Variants in MYOM1 observed in about 807,000 individuals in gnomAD.
MYOM1 encodes the protein myomesin 1.
Under a neutral mutation model 205.3 loss-of-function variants are expected in MYOM1, and 164 were observed. That is an observed-to-expected ratio of 0.80 (90% CI 0.70 to 0.91). The LOEUF is 0.91. Ranked by LOEUF, MYOM1 falls within the 40% of genes least tolerant of loss-of-function variation. MYOM1 has a pLI of 0.00. For synonymous variants in MYOM1, 772 were observed against 789.4 expected (o/e 0.98, Z 0.37); for missense variants, 2,011 against 2,127.3 (o/e 0.95, Z 1.08).
At chr18:3,182,170 A>G (rs998804825) in intron 5 of MYOM1, among the ~76,000 whole-genome samples, 4 of 152,114 alleles carry the variant, frequency 2.6e-5, no homozygotes, top group African/African-American at 4.8e-5. Flanking sequence ...CATTGCTCCA[A>G]TGAGTTTTCC....
At chr18:3,225,518 C>T in the MYOM1 span, among the ~76,000 whole-genome samples, 1 of 152,110 alleles carries the variant, frequency 6.6e-6, no homozygotes, top group Non-Finnish European at 1.5e-5. Flanking sequence ...AGCAAGTGGC[C>T]TCTGTTGAAG....
chr18:3,172,623 C>T (rs1035735418), intron 8 of MYOM1, among the ~76,000 whole-genome samples: 7 of 152,148 alleles, frequency 4.6e-5, no homozygotes, highest in African/African-American at 1.7e-4. Context: ...GATTCTCCTG[C>T]CTCAGCCTCC....
At chr18:3,162,321 C>T (rs2080402871) in intron 10 of MYOM1, among the ~76,000 whole-genome samples, 1 of 152,212 alleles carries the variant, frequency 6.6e-6, no homozygotes, top group East Asian at 1.9e-4. Context: ...TAATCATCCC[C>T]GGGGCCAGAT....
chr18:3,089,776 A>G (rs1268963276), intron 27 of MYOM1, among the ~76,000 whole-genome samples, 180 bp from the exon 28 acceptor site: 1 of 152,222 alleles, frequency 6.6e-6, no homozygotes, highest in East Asian at 1.9e-4. Flanking sequence ...AAATTGTACA[A>G]GGTCATAAAG....
At chr18:3,221,272 A>C (rs994270198), upstream of MYOM1, among the ~76,000 whole-genome samples, 2 of 152,152 alleles carry the variant, frequency 1.3e-5, no homozygotes, top group African/African-American at 4.8e-5. Context: ...CACCTGCCTC[A>C]GTCTCACAAA....
chr18:3,198,627 T>C (rs2081024392), intron 2 of MYOM1, among the ~76,000 whole-genome samples: 1 of 151,946 alleles, frequency 6.6e-6, no homozygotes, highest in African/African-American at 2.4e-5. Flanking sequence ...CTACTAAAAA[T>C]ACAAAACTTA....
At chr18:3,158,811 A>G (rs1203785170) in intron 10 of MYOM1, among the ~76,000 whole-genome samples, 1 of 152,028 alleles carries the variant, frequency 6.6e-6, no homozygotes, top group Non-Finnish European at 1.5e-5. Context: ...ACAGGGTCTC[A>G]CTGTGTTGCC....
intron 1 of MYOM1, among the ~76,000 whole-genome samples, chr18:3,218,938 G>A (rs1234510599): frequency 1.3e-5 from 2 of 151,976 alleles, no homozygotes; most frequent in Non-Finnish European, 2.9e-5. Context: ...AAGTAAACAG[G>A]GTTTGACTTG....
rs2080880350 is a variant in MYOM1, at chr18:3,189,791, G to A, written c.432-704C>T. Among the ~76,000 whole-genome samples the A allele has an allele frequency of 6.6e-6, 1 of 152,270 alleles. No individual in the cohort carries two copies. The highest frequency in any genetic ancestry group is 2.4e-5 in the African/African-American group (1 of 41,552). ...ATTTTGTTTAAAATAAAAGATTATG[G>A]TTCCTTTCCAGAAAAGCTATATTGT... On this transcript the variant is annotated intron_variant, in intron 3 of 37. Transcript: ENST00000356443. The surrounding 1 kb of genome is among the most constrained non-coding windows in gnomAD (Gnocchi z 4.8).
At chr18:3,134,600 T>C (rs770975259) in intron 16 of MYOM1, 50 bp downstream of exon 16, 5 of 1,551,414 alleles carry the variant, frequency 3.2e-6, no homozygotes, top group Admixed American at 1.9e-5. Context: ...CGTATGTGTC[T>C]ATGGCAGCTC....
At chr18:3,225,023 T>C in the MYOM1 span, among the ~76,000 whole-genome samples, 1 of 151,634 alleles carries the variant, frequency 6.6e-6, no homozygotes, top group African/African-American at 2.4e-5. Context: ...AGTCTCGCTC[T>C]TTCACCCAGG....
chr18:3,108,203 C>T (rs1320621354), intron 22 of MYOM1, among the ~76,000 whole-genome samples: 1 of 152,182 alleles, frequency 6.6e-6, no homozygotes, highest in African/African-American at 2.4e-5. Flanking sequence ...TTCAGCTGGC[C>T]TCAGGTCAAT....
intron 37 of MYOM1, among the ~76,000 whole-genome samples, chr18:3,071,067 C>T (rs2078954167): frequency 1.3e-5 from 2 of 151,848 alleles, no homozygotes; most frequent in Non-Finnish European, 1.5e-5. Flanking sequence ...CCTAGGGGCA[C>T]ATGCTCTCAG....
At chr18:3,167,258 G>A (rs2080485124) in intron 9 of MYOM1, among the ~76,000 whole-genome samples, 1 of 152,200 alleles carries the variant, frequency 6.6e-6, no homozygotes, top group African/African-American at 2.4e-5. Flanking sequence ...ATTTGACTGT[G>A]TGATTTGGGG....
chr18:3,073,973 C>T (rs1370251129), intron 36 of MYOM1, among the ~76,000 whole-genome samples: 4 of 152,180 alleles, frequency 2.6e-5, no homozygotes, highest in Non-Finnish European at 5.9e-5. Context: ...CTGGATTTAG[C>T]TGAACTAAGG....
chr18:3,145,864 A>C (rs1289161299), intron 13 of MYOM1, among the ~76,000 whole-genome samples: 1 of 152,140 alleles, frequency 6.6e-6, no homozygotes, highest in Admixed American at 6.5e-5. Context: ...AACATCAATA[A>C]AGTTGATAAA....
At chr18:3,233,490 A>G in the MYOM1 span, among the ~76,000 whole-genome samples, 2 of 152,166 alleles carry the variant, frequency 1.3e-5, no homozygotes, top group Admixed American at 6.5e-5. Flanking sequence ...CAAATAATGA[A>G]CTGTGTAGCA....
At chr18:3,164,243 T>G in intron 10 of MYOM1, 35 bp downstream of exon 10, 3 of 1,599,380 alleles carry the variant, frequency 1.9e-6, no homozygotes, top group Non-Finnish European at 2.6e-6. Context: ...GTGTACTAAA[T>G]ATTGTTAGGT....
rs1481634355 is a variant in MYOM1 at position 3,147,582 on chromosome 18, A to G, written c.1900+1563T>C. On this transcript the variant is annotated intron_variant, in intron 13 of 37. Transcript: ENST00000356443. ...GACTTATACTGATTTGAAGATGCTA[A>G]AATTTATATATGAAAAAATGAAGCT... Among the ~76,000 whole-genome samples, 3 of 152,202 alleles carry G rather than the reference A, an allele frequency of 2.0e-5. 1 individual carries two copies. Among genetic ancestry groups the G allele is most frequent in the South Asian group, 4.1e-4 (2 of 4,836 alleles).
Sources: gnomAD v4.1 joint callset for allele counts (sites outside exome capture counted in the v4.1 genomes callset) on GRCh38, gnomAD v4.1.1 for gene constraint, Gnocchi (gnomAD v3.1) non-coding constraint, MANE v1.5 for transcripts, NCBI Gene and HGNC (gene_info 2026-07-23, HGNC 2026-07-21) for gene names.